UTS2B: variants seen among roughly 807,000 people sequenced by gnomAD.
UTS2B encodes urotensin-2B.
Under a neutral mutation model 19.2 loss-of-function variants are expected in UTS2B, and 21 were observed. The observed-to-expected ratio is 1.09, with a 90% confidence interval of 0.78 to 1.58. The LOEUF (loss-of-function observed/expected upper bound fraction) is 1.58, where lower values mean the gene tolerates loss of function less well. UTS2B is among the 40% of genes most tolerant of loss of function. UTS2B has a pLI of 0.00. For missense variants in UTS2B, 138 were observed against 130.3 expected (o/e 1.06, Z -0.29); for synonymous variants, 57 against 50.2 (o/e 1.14, Z -0.58).
intron 2 of UTS2B, among the ~76,000 whole-genome samples, chr3:191,324,587 T>C (rs1196379758): frequency 6.6e-6 from 1 of 152,186 alleles, no homozygotes; most frequent in Non-Finnish European, 1.5e-5. Context: ...CCTGCCACCA[T>C]ATAAGATGTC....
chr3:191,290,228 G>A (rs961648236), intron 4 of UTS2B, among the ~76,000 whole-genome samples: 4 of 152,144 alleles, frequency 2.6e-5, no homozygotes, highest in African/African-American at 7.2e-5. Flanking sequence ...TGTCATGAGT[G>A]CATAACCAAA....
chr3:191,288,363 CA>C (rs1560136639), intron 4 of UTS2B, among the ~76,000 whole-genome samples: 1 of 152,162 alleles, frequency 6.6e-6, no homozygotes, highest in Non-Finnish European at 1.5e-5. Flanking sequence ...ACATACACTA[CA>C]TTACTACAAT....
chr3:191,284,278 AT>A (rs1006099668), intron 4 of UTS2B, among the ~76,000 whole-genome samples: 1 of 152,038 alleles, frequency 6.6e-6, no homozygotes, highest in African/African-American at 2.4e-5. Context: ...TGGCAAAATA[AT>A]TTAACTGTCT....
chr3:191,283,143 A>C (rs937293026), intron 4 of UTS2B, among the ~76,000 whole-genome samples: 1 of 152,208 alleles, frequency 6.6e-6, no homozygotes, highest in Non-Finnish European at 1.5e-5. Flanking sequence ...TCTTTTTACT[A>C]ACCCGTTGCT....
chr3:191,327,116 G>C (rs933944851), intron 2 of UTS2B, among the ~76,000 whole-genome samples: 53 of 152,284 alleles, frequency 3.5e-4, no homozygotes, highest in African/African-American at 1.2e-3. Flanking sequence ...TCACAGTCTA[G>C]GTAGGAAACA....
intron 6 of UTS2B, 79 bp downstream of exon 6, chr3:191,277,993 C>A: frequency 1.5e-6 from 1 of 675,288 alleles, no homozygotes; most frequent in South Asian, 2.3e-5. Context: ...TATAAATTAA[C>A]ATTTAGAAAA....
intron 3 of UTS2B, among the ~76,000 whole-genome samples, chr3:191,306,250 G>A (rs293867): frequency 0.32 from 49,258 of 151,972 alleles, 8,018 homozygotes; most frequent in South Asian, 0.38. Context: ...GTATACATTG[G>A]TTTTTCTTTT....
At chr3:191,342,519 A>G in the UTS2B span, among the ~76,000 whole-genome samples, 1 of 152,172 alleles carries the variant, frequency 6.6e-6, no homozygotes, top group South Asian at 2.1e-4. Flanking sequence ...GAAGCCAATA[A>G]ACTAAAATGG....
intron 4 of UTS2B, among the ~76,000 whole-genome samples, chr3:191,287,737 T>A (rs1716595990): frequency 6.6e-6 from 1 of 151,834 alleles, no homozygotes; most frequent in African/African-American, 2.4e-5. Context: ...CGCAACATTG[T>A]ACTCGAAGTC....
Position 191,275,947 on chromosome 3 carries a change from A to G in UTS2B, c.241-602T>C, listed in dbSNP as rs1290445076. On this transcript the variant is annotated intron_variant, in intron 7 of 8. Transcript: ENST00000340524. ...GCAAAGGAAGTCACCTCTGGGTGTT[A>G]ATGGGGAACATGTAAATACAGCCTG... is the stretch of plus-strand genomic sequence containing the variant. 2.0e-5 allele frequency among the ~76,000 whole-genome samples: 3 copies of G among 152,152 alleles called. No individual in the cohort carries two copies. The East Asian group carries it at 5.8e-4, about 29-fold the overall frequency.
chr3:191,280,852 A>G (rs1716366737), intron 5 of UTS2B, among the ~76,000 whole-genome samples: 1 of 152,148 alleles, frequency 6.6e-6, no homozygotes, highest in Admixed American at 6.5e-5. Context: ...AAATCTCAAT[A>G]TTTCATAGAA....
At chr3:191,327,076 T>G (rs1485588818) in intron 2 of UTS2B, among the ~76,000 whole-genome samples, 1 of 152,238 alleles carries the variant, frequency 6.6e-6, no homozygotes, top group African/African-American at 2.4e-5. Context: ...TTTAAGCATA[T>G]CTTACTTTTG....
At chr3:191,278,040 A>G in intron 6 of UTS2B, 32 bp downstream of exon 6, 1 of 1,149,180 alleles carries the variant, frequency 8.7e-7, no homozygotes, top group Non-Finnish European at 1.2e-6. Flanking sequence ...TTATTTTTTA[A>G]TAAATAGAGC....
chr3:191,303,638 T>C (rs1452430349), intron 4 of UTS2B, among the ~76,000 whole-genome samples: 7 of 152,194 alleles, frequency 4.6e-5, no homozygotes, highest in African/African-American at 1.4e-4. Flanking sequence ...GTGTTCCTTA[T>C]TGAAAAGAGC....
In UTS2B at chr3:191,293,576, TA is replaced by T. The variant is rs1450142688; in HGVS notation, c.-125+10915del. The stretch of plus-strand genomic sequence containing the variant: ...TTTGTCTCTGTAAAGTTGGCAGTAA[TA>T]TCCCCAAACTTGAAATTTGATTATA... On this transcript the variant is annotated intron_variant, in intron 4 of 8. Coordinates refer to ENST00000340524, the MANE Select transcript of UTS2B (RefSeq NM_198152.5). 3.3e-5 allele frequency among the ~76,000 whole-genome samples: 5 copies of T among 152,000 alleles called. No homozygotes were observed. In the East Asian group the frequency reaches 9.6e-4, roughly 29 times the overall value.
Position 191,300,288 on chromosome 3 carries a change from T to C in UTS2B, c.-125+4204A>G, listed in dbSNP as rs183700196. Among the ~76,000 whole-genome samples the C allele has an allele frequency of 2.0e-5, 3 of 152,178 alleles. No homozygotes were observed. The East Asian group carries it at 5.8e-4, about 29-fold the overall frequency. On this transcript the variant is annotated intron_variant, in intron 4 of 8. Coordinates refer to ENST00000340524, the MANE Select transcript of UTS2B (RefSeq NM_198152.5). ...TGGTCTCAAACTGCTGACCTCATGA[T>C]CCGCCCACCTCAGCCTCCCAAAGTG... is the stretch of plus-strand genomic sequence containing the variant.
upstream of UTS2B, among the ~76,000 whole-genome samples, chr3:191,333,569 C>T (rs1369885734): frequency 1.3e-5 from 2 of 152,068 alleles, no homozygotes; most frequent in African/African-American, 4.8e-5. Flanking sequence ...TTAATGAGAC[C>T]CTGGCTGGAT....
intron 2 of UTS2B, among the ~76,000 whole-genome samples, chr3:191,318,105 T>C (rs1717516235): frequency 6.6e-6 from 1 of 152,216 alleles, no homozygotes. Flanking sequence ...GGAGGGCATG[T>C]GCGATGAGAA....
chr3:191,292,366 C>A (rs1476439841), intron 4 of UTS2B, among the ~76,000 whole-genome samples: 2 of 152,048 alleles, frequency 1.3e-5, no homozygotes, highest in Non-Finnish European at 2.9e-5. Flanking sequence ...GATGCTATTT[C>A]AAGTGGAATT....
Sources: gnomAD v4.1 joint callset for allele counts (sites outside exome capture counted in the v4.1 genomes callset) on GRCh38, gnomAD v4.1.1 for gene constraint, MANE v1.5 for transcripts, NCBI Gene and HGNC (gene_info 2026-07-23, HGNC 2026-07-21) for gene names.